Variants in DPY19L3 observed in about 807,000 individuals in gnomAD.
DPY19L3 encodes dpy-19 like C-mannosyltransferase 3, also known as protein C-mannosyl-transferase DPY19L3.
In DPY19L3, 51 loss-of-function variants were observed where a neutral mutation model predicts 92.3. The ratio of observed to expected loss-of-function variants is 0.55; its 90% CI spans 0.44 to 0.70. DPY19L3 has a LOEUF of 0.70. Ranked by LOEUF, DPY19L3 falls within the 30% of genes least tolerant of loss-of-function variation. The probability of loss-of-function intolerance (pLI) is 0.00; values close to 1 mark genes in which losing one functional copy is unlikely to be tolerated. For synonymous variants in DPY19L3, 309 were observed against 315.2 expected, an observed-to-expected ratio of 0.98 and a Z score of 0.21; for missense variants, 706 against 855.9, an observed-to-expected ratio of 0.82 and a Z score of 2.18.
intron 1 of DPY19L3, among the ~76,000 whole-genome samples, chr19:32,407,329 C>T (rs998020643): frequency 1.3e-5 from 2 of 151,688 alleles, no homozygotes; most frequent in Admixed American, 6.6e-5. Flanking sequence ...GGCACACCCC[C>T]GCAGTCATCA....
intron 8 of DPY19L3, among the ~76,000 whole-genome samples, chr19:32,448,565 C>CT (rs945908689): frequency 2.0e-5 from 3 of 152,010 alleles, no homozygotes; most frequent in Admixed American, 6.6e-5. Context: ...ATAAAGTAAG[C>CT]TAGAGAAAGG....
intron 4 of DPY19L3, among the ~76,000 whole-genome samples, chr19:32,434,031 A>G (rs575773085): frequency 1.3e-5 from 2 of 152,220 alleles, no homozygotes; most frequent in Admixed American, 1.3e-4. Flanking sequence ...GCTACCTTGC[A>G]GTACAGTTTA....
Position 32,455,021 on chromosome 19 carries a change from T to C in DPY19L3, c.1070T>C (p.Phe357Ser). Residue 357 changes from phenylalanine (F) to serine (S), a missense_variant, in exon 10 of 19, where the codon TTT (phenylalanine) becomes TCT (serine). Coordinates refer to ENST00000392250, the MANE Select transcript of DPY19L3 (RefSeq NM_001172774.2). ...TTTATGGTTTTATGTTTGACACTTT[T>C]TCTCAACAACATAATTAAGGTAAGT... ...HLFMVLCLTL[F>S]LNNIIKKILN... 6.4e-7 allele frequency: 1 copy of C among 1,558,620 alleles called. No homozygotes were observed. The highest frequency in any genetic ancestry group is 8.6e-7 in the Non-Finnish European group (1 of 1,156,090).
At chr19:32,476,458 C>T (rs117243211) in intron 16 of DPY19L3, among the ~76,000 whole-genome samples, 3,895 of 150,424 alleles carry the variant, frequency 0.026, 66 homozygotes, top group Middle Eastern at 0.075. Context: ...AGGAGAATCC[C>T]CAGAAGAGAG....
intron 13 of DPY19L3, 142 bp from the exon 14 acceptor site, chr19:32,463,727 G>A (rs1364517645): frequency 8.0e-6 from 7 of 876,446 alleles, no homozygotes; most frequent in Admixed American, 7.0e-5. Flanking sequence ...GTTAAACAAC[G>A]AACCCTTCGG....
In DPY19L3 at chr19:32,463,988, T is replaced by G. The variant is rs1271724682; in HGVS notation, c.1557+8T>G. On this transcript the variant is annotated splice_region_variant and intron_variant, in intron 14 of 18. Coordinates refer to ENST00000392250, the MANE Select transcript of DPY19L3 (RefSeq NM_001172774.2). ...CTTTATAACCCAAAGAGGGTCAGTG[T>G]CATCCCTTTTTCCATCTCCTTTTAT... 6.3e-7 allele frequency: 1 copy of G among 1,578,168 alleles called. No homozygotes were observed. Among genetic ancestry groups the G allele is most frequent in the East Asian group, 2.3e-5 (1 of 44,376 alleles).
intron 16 of DPY19L3, among the ~76,000 whole-genome samples, chr19:32,475,492 G>C (rs1452795995): frequency 1.3e-5 from 2 of 152,228 alleles, no homozygotes; most frequent in Non-Finnish European, 2.9e-5. Context: ...GTTGATTGCT[G>C]TGGAATGGCT....
intron 3 of DPY19L3, among the ~76,000 whole-genome samples, chr19:32,430,637 T>C (rs183542345): frequency 1.3e-5 from 2 of 152,210 alleles, no homozygotes; most frequent in East Asian, 3.9e-4. Context: ...TATTTATTTT[T>C]TGAGGCAGGG....
intron 18 of DPY19L3, 107 bp downstream of exon 18, chr19:32,480,664 G>A (rs774290222): frequency 5.2e-6 from 7 of 1,348,984 alleles, no homozygotes; most frequent in East Asian, 2.5e-5. Flanking sequence ...GTTGAATTAC[G>A]CTACGAATCA....
intron 4 of DPY19L3, among the ~76,000 whole-genome samples, chr19:32,435,409 G>T (rs1969106811): frequency 6.6e-6 from 1 of 152,328 alleles, no homozygotes; most frequent in African/African-American, 2.4e-5. Context: ...GGTACAAATG[G>T]TGCTGCATGA....
chr19:32,420,426 T>C (rs1213053930), intron 3 of DPY19L3, among the ~76,000 whole-genome samples: 1 of 151,418 alleles, frequency 6.6e-6, no homozygotes, highest in African/African-American at 2.4e-5. Flanking sequence ...TTTAAGTGAT[T>C]TTTGTTTAGT....
intron 3 of DPY19L3, among the ~76,000 whole-genome samples, chr19:32,418,075 G>GT (rs1400955017): frequency 1.3e-5 from 2 of 152,190 alleles, no homozygotes; most frequent in Non-Finnish European, 2.9e-5. Context: ...TCAGGAGCGT[G>GT]TAAAATGAGA....
At chr19:32,426,726 A>T (rs766193651) in intron 3 of DPY19L3, among the ~76,000 whole-genome samples, 1 of 152,224 alleles carries the variant, frequency 6.6e-6, no homozygotes, top group Non-Finnish European at 1.5e-5. Context: ...AACATCAAAG[A>T]TCACTGATCC....
At chr19:32,407,804 G>C (rs547460002) in intron 1 of DPY19L3, among the ~76,000 whole-genome samples, 1 of 152,172 alleles carries the variant, frequency 6.6e-6, no homozygotes, top group African/African-American at 2.4e-5. Flanking sequence ...TGGCAAGATC[G>C]AGGGCAGGCT....
intron 3 of DPY19L3, chr19:32,412,576 T>C (rs1199643465): frequency 6.6e-6 from 1 of 152,244 alleles, no homozygotes; most frequent in East Asian, 1.9e-4. Flanking sequence ...CAAGTGGTTT[T>C]GCAGGGCATA....
intron 6 of DPY19L3, among the ~76,000 whole-genome samples, chr19:32,438,098 A>C (rs1167193438): frequency 1.3e-5 from 2 of 152,226 alleles, no homozygotes; most frequent in Non-Finnish European, 2.9e-5. Context: ...TATTATAAGC[A>C]GTAGAGCCTT....
chr19:32,454,467 G>T (rs1003776960), intron 9 of DPY19L3, among the ~76,000 whole-genome samples: 1 of 152,098 alleles, frequency 6.6e-6, no homozygotes, highest in Admixed American at 6.5e-5. Context: ...CCAGCTACTC[G>T]GGAGGCTGAG....
chr19:32,448,874 C>T (rs940891298), intron 8 of DPY19L3, among the ~76,000 whole-genome samples: 4 of 152,176 alleles, frequency 2.6e-5, no homozygotes, highest in African/African-American at 7.2e-5. Context: ...CTTCCTAATA[C>T]ACAGTACTGC....
chr19:32,433,201 TCA>T (rs1222047924), intron 4 of DPY19L3, among the ~76,000 whole-genome samples: 5 of 152,140 alleles, frequency 3.3e-5, no homozygotes, highest in Non-Finnish European at 5.9e-5. Flanking sequence ...TTCCTTTATT[TCA>T]CAGTTGCCAT....
Sources: allele counts gnomAD v4.1 joint callset (sites outside exome capture counted in the v4.1 genomes callset), GRCh38; gene constraint gnomAD v4.1.1; transcripts MANE v1.5; gene names NCBI Gene and HGNC (gene_info 2026-07-23, HGNC 2026-07-21).